Variants in TEK observed in about 807,000 individuals in gnomAD.
TEK encodes angiopoietin-1 receptor.
TEK carries 43 observed loss-of-function variants against 131.8 expected under a neutral mutation model. That is an observed-to-expected ratio of 0.33 (90% CI 0.26 to 0.42). The LOEUF (loss-of-function observed/expected upper bound fraction) is 0.42, where lower values mean the gene tolerates loss of function less well. Ranked by LOEUF, TEK falls within the 10% of genes least tolerant of loss-of-function variation. TEK has a pLI of 1.00. For missense variants in TEK, 1,162 were observed against 1,384.4 expected, an observed-to-expected ratio of 0.84 and a Z score of 2.55; for synonymous variants, 580 against 491.6, an observed-to-expected ratio of 1.18 and a Z score of -2.38.
intron 9 of TEK, among the ~76,000 whole-genome samples, chr9:27,189,620 G>C (rs1238279540): frequency 6.6e-6 from 1 of 152,116 alleles, no homozygotes; most frequent in Non-Finnish European, 1.5e-5. Context: ...AGATGTGGTG[G>C]TCAGAGAAGG....
chr9:27,184,262 C>G (rs1824510140), intron 8 of TEK, among the ~76,000 whole-genome samples: 1 of 152,160 alleles, frequency 6.6e-6, no homozygotes, highest in Non-Finnish European at 1.5e-5. Context: ...TTAAAAGGAT[C>G]AAGCTACTTT....
intron 12 of TEK, among the ~76,000 whole-genome samples, chr9:27,201,193 A>C (rs1741804747): frequency 6.6e-6 from 1 of 152,156 alleles, no homozygotes; most frequent in African/African-American, 2.4e-5. Flanking sequence ...AATTTAAATC[A>C]AAGGTTTATT....
At chr9:27,197,984 C>T (rs759471189) in intron 12 of TEK, among the ~76,000 whole-genome samples, 2 of 152,100 alleles carry the variant, frequency 1.3e-5, no homozygotes, top group Non-Finnish European at 2.9e-5. Context: ...AACCAAATAA[C>T]TTTGCTTGAA....
At chr9:27,191,873 T>C in intron 10 of TEK, 1 of 448,962 alleles carries the variant, frequency 2.2e-6, no homozygotes, top group Non-Finnish European at 4.4e-6. Flanking sequence ...ATCCCAGTTT[T>C]TTTTCTTACC....
chr9:27,158,875 G>T (rs1229197615), intron 2 of TEK, among the ~76,000 whole-genome samples: 1 of 152,118 alleles, frequency 6.6e-6, no homozygotes, highest in Non-Finnish European at 1.5e-5. Context: ...TGGCCAGGAC[G>T]ATCTTGATCT....
Position 27,172,661 on chromosome 9 carries a change from C to G in TEK, c.674C>G (p.Thr225Ser). 3.7e-6 allele frequency: 6 copies of G among 1,613,756 alleles called. No homozygotes were observed. Among genetic ancestry groups the G allele is most frequent in the Non-Finnish European group, 5.1e-6 (6 of 1,179,722 alleles). Residue 225 changes from threonine to serine, a missense_variant, in exon 5 of 23, where the codon ACT (threonine) becomes AGT (serine). Transcript: ENST00000380036. ...KWGPECNHLC[T>S]ACMNNGVCHE... ...GGACCTGAATGCAACCATCTCTGTA[C>G]TGCTTGTATGAACAATGGTGTCTGC...
intron 1 of TEK, among the ~76,000 whole-genome samples, chr9:27,125,976 C>T (rs1821972113): frequency 6.6e-6 from 1 of 152,126 alleles, no homozygotes. Context: ...AACACAGAAA[C>T]TTGCAGCTAA....
At chr9:27,205,574 C>A (rs530038778) in intron 14 of TEK, among the ~76,000 whole-genome samples, 1 of 152,250 alleles carries the variant, frequency 6.6e-6, no homozygotes, top group South Asian at 2.1e-4. Flanking sequence ...TGTGTGTCTT[C>A]CATTCCTGTG....
intron 4 of TEK, among the ~76,000 whole-genome samples, chr9:27,171,304 T>G (rs1823946178): frequency 6.6e-6 from 1 of 152,190 alleles, no homozygotes; most frequent in South Asian, 2.1e-4. Flanking sequence ...TTCTCTGTCA[T>G]TCCTCTAACG....
chr9:27,174,106 G>C (rs1002561632), intron 6 of TEK, among the ~76,000 whole-genome samples: 1 of 152,146 alleles, frequency 6.6e-6, no homozygotes, highest in African/African-American at 2.4e-5. Flanking sequence ...ACCAGGCTCT[G>C]TGGAGTGCAT....
intron 12 of TEK, among the ~76,000 whole-genome samples, chr9:27,201,819 C>T (rs1010200965): frequency 3.3e-4 from 51 of 152,290 alleles, no homozygotes; most frequent in Admixed American, 9.2e-4. Context: ...GTCTACTATT[C>T]GCCTACTGGG....
At chr9:27,207,048 G>A (rs1825423783) in intron 15 of TEK, among the ~76,000 whole-genome samples, 1 of 152,206 alleles carries the variant, frequency 6.6e-6, no homozygotes, top group Non-Finnish European at 1.5e-5. Context: ...GTCATATATG[G>A]CTAACTTTTG....
Position 27,172,591 on chromosome 9 carries a change from A to G in TEK, c.629-25A>G, listed in dbSNP as rs762283538. The stretch of plus-strand genomic sequence containing the variant: ...GTTGAGCGAATGCGCTCTACTCACC[A>G]CAGCCTTGTTTTCCTTAACAAAAGG... On this transcript the variant is annotated intron_variant, in intron 4 of 22. Transcript: ENST00000380036. 8.1e-6 allele frequency: 13 copies of G among 1,612,712 alleles called. No homozygotes were observed. The East Asian group carries it at 2.5e-4, about 30-fold the overall frequency.
rs1826486542 is a variant in TEK at position 27,229,669 on chromosome 9, A to G, written c.*437A>G. The G allele has an allele frequency of 1.0e-5, 2 of 191,418 alleles. No individual in the cohort carries two copies. The highest frequency in any genetic ancestry group is 1.1e-5 in the Non-Finnish European group (1 of 90,510). The allele number at this position is 191,418 out of a possible 1,614,324, so 11.9% of individuals were successfully genotyped here. On this transcript the variant is annotated 3_prime_UTR_variant, in exon 23 of 23. Transcript: ENST00000380036. ...TGACCCTGATAGTACAGGTTAAGTG[A>G]GAGAACTATATGAATTCTAACAAGT...
At chr9:27,198,599 C>T (rs1340214600) in intron 12 of TEK, among the ~76,000 whole-genome samples, 1 of 152,186 alleles carries the variant, frequency 6.6e-6, no homozygotes, top group African/African-American at 2.4e-5. Context: ...ACACAACGAA[C>T]AATCACATTC....
At chr9:27,136,481 C>T (rs1822442708) in intron 1 of TEK, among the ~76,000 whole-genome samples, 1 of 152,188 alleles carries the variant, frequency 6.6e-6, no homozygotes, top group Admixed American at 6.5e-5. Context: ...ATTTTGTCAA[C>T]CCAGATGTGC....
chr9:27,118,414 T>G lies in TEK; in HGVS notation c.52+8772T>G, dbSNP rs143643913. 2.0e-5 allele frequency among the ~76,000 whole-genome samples: 3 copies of G among 152,132 alleles called. No individual in the cohort carries two copies. The East Asian group carries it at 5.8e-4, about 29-fold the overall frequency. ...CTTTGGGAGGCCAAAGCAAGCAGAT[T>G]GCTTGAGCCAAGGAGTTCGAGACCA... is the stretch of plus-strand genomic sequence containing the variant. On this transcript the variant is annotated intron_variant, in intron 1 of 22. Coordinates refer to ENST00000380036, the MANE Select transcript of TEK (RefSeq NM_000459.5).
chr9:27,194,346 G>C (rs1824930310), intron 11 of TEK, among the ~76,000 whole-genome samples: 1 of 152,112 alleles, frequency 6.6e-6, no homozygotes, highest in South Asian at 2.1e-4. Context: ...TATGTTACTA[G>C]CAGCATCCTT....
intron 16 of TEK, among the ~76,000 whole-genome samples, chr9:27,209,695 A>G (rs1825533040): frequency 6.6e-6 from 1 of 152,252 alleles, no homozygotes; most frequent in Admixed American, 6.5e-5. Context: ...AAAAATAATT[A>G]TAAGAAGCTT....
Sources: gnomAD v4.1 joint callset for allele counts (sites outside exome capture counted in the v4.1 genomes callset) on GRCh38, gnomAD v4.1.1 for gene constraint, MANE v1.5 for transcripts, NCBI Gene and HGNC (gene_info 2026-07-23, HGNC 2026-07-21) for gene names.